Variants in CDH4 observed in about 807,000 individuals in gnomAD.
The protein encoded by CDH4 is cadherin 4.
A neutral mutation model predicts 86.0 loss-of-function variants in CDH4; 33 were observed. The observed-to-expected ratio is 0.38, with a 90% CI of 0.29 to 0.51. The LOEUF is 0.51. CDH4 is among the 20% of genes least tolerant of loss of function. CDH4 has a pLI of 0.86. For synonymous variants in CDH4, 555 were observed against 549.4 expected (o/e 1.01, Z -0.14); for missense variants, 1,114 against 1,307.4 (o/e 0.85, Z 2.28).
chr20:61,378,305 G>C (rs2084883033), intron 2 of CDH4, among the ~76,000 whole-genome samples: 1 of 152,184 alleles, frequency 6.6e-6, no homozygotes, highest in Admixed American at 6.5e-5. Flanking sequence ...TTAAAACTTT[G>C]AAATTATAGT....
At chr20:61,602,243 G>T (rs556734549) in intron 2 of CDH4, among the ~76,000 whole-genome samples, 1 of 152,152 alleles carries the variant, frequency 6.6e-6, no homozygotes, top group African/African-American at 2.4e-5. Flanking sequence ...ACATTTTATC[G>T]CAAGGTTCTT....
intron 4 of CDH4, among the ~76,000 whole-genome samples, chr20:61,837,953 C>G (rs1457789618): frequency 6.6e-6 from 1 of 152,086 alleles, no homozygotes; most frequent in African/African-American, 2.4e-5. Flanking sequence ...TATTTTCCCT[C>G]GTGCAGAGGC....
At chr20:61,276,713 G>A (rs1431061940) in intron 2 of CDH4, among the ~76,000 whole-genome samples, 1 of 152,176 alleles carries the variant, frequency 6.6e-6, no homozygotes, top group Non-Finnish European at 1.5e-5. Context: ...CCTGGGCAGT[G>A]GAGATTCCAT....
At chr20:61,552,794 G>A (rs569582988) in intron 2 of CDH4, among the ~76,000 whole-genome samples, 10 of 152,232 alleles carry the variant, frequency 6.6e-5, no homozygotes, top group East Asian at 1.9e-4. Context: ...ACAAGTGTTG[G>A]CAAGGATGTG....
intron 2 of CDH4, among the ~76,000 whole-genome samples, chr20:61,397,325 G>A: frequency 6.6e-6 from 1 of 152,010 alleles, no homozygotes; most frequent in East Asian, 1.9e-4. Context: ...GCTGCAGGAG[G>A]GGGTCCTGGT....
intron 11 of CDH4, among the ~76,000 whole-genome samples, chr20:61,927,033 C>T (rs1345745806): frequency 2.0e-5 from 3 of 152,224 alleles, no homozygotes; most frequent in Non-Finnish European, 4.4e-5. Context: ...GATCACGTGC[C>T]GTGCCATCAG....
Position 61,862,967 on chromosome 20 carries a change from C to T in CDH4, c.877+10069C>T, listed in dbSNP as rs112864688. On this transcript the variant is annotated intron_variant, in intron 6 of 15. Transcript: ENST00000614565. ...TTATTTATTTATTTTCTTTCTTTGC[C>T]GGCAGAAGTCCCCCTGAGGTTAATG... Among the ~76,000 whole-genome samples the T allele has an allele frequency of 1.3e-3, 203 of 152,050 alleles. 1 individual carries two copies. Among genetic ancestry groups the T allele is most frequent in the African/African-American group, 4.4e-3 (182 of 41,444 alleles).
rs2084495673 is a variant in CDH4 at position 61,319,381 on chromosome 20, C to T, written c.169+64444C>T. 6.6e-5 allele frequency among the ~76,000 whole-genome samples: 10 copies of T among 152,264 alleles called. No individual in the cohort carries two copies. In the South Asian group the frequency reaches 2.1e-3, roughly 32 times the overall value. ...TGTTATGCTCCACCGGGAAGCAGGGCTAGATCGCACTGTTAAGAGTGCATC... is the reference window on the plus strand; with the variant it reads ...TGTTATGCTCCACCGGGAAGCAGGGTTAGATCGCACTGTTAAGAGTGCATC... On this transcript the variant is annotated intron_variant, in intron 2 of 15. Coordinates refer to ENST00000614565, the MANE Select transcript of CDH4 (RefSeq NM_001794.5).
At chr20:61,382,423 A>G (rs2084908109) in intron 2 of CDH4, among the ~76,000 whole-genome samples, 1 of 152,214 alleles carries the variant, frequency 6.6e-6, no homozygotes, top group African/African-American at 2.4e-5. Context: ...AGACCCTGGC[A>G]TGGGGGACCC....
chr20:61,814,816 C>T (rs555470142), intron 4 of CDH4, among the ~76,000 whole-genome samples: 90 of 152,142 alleles, frequency 5.9e-4, no homozygotes, highest in Admixed American at 9.8e-4. Flanking sequence ...ATGTTGATGC[C>T]GACCTTTCCT....
chr20:61,509,317 G>A (rs982390182), intron 2 of CDH4, among the ~76,000 whole-genome samples: 3 of 151,806 alleles, frequency 2.0e-5, no homozygotes, highest in African/African-American at 7.3e-5. Flanking sequence ...CCCACGGAGG[G>A]ACTCATCCTG....
At chr20:61,720,789 G>A (rs2145912350) in intron 2 of CDH4, among the ~76,000 whole-genome samples, 1 of 152,218 alleles carries the variant, frequency 6.6e-6, no homozygotes, top group South Asian at 2.1e-4. Flanking sequence ...GGTCGGGGAG[G>A]CGTGTTCTCT....
rs1212549000 is a variant in CDH4 at position 61,275,345 on chromosome 20, A to G, written c.169+20408A>G. ...CGCAGTTTGGGAGAGTACCGTGCGC[A>G]GTTTGGGGGGAGTACCGTGAAGCAG... On this transcript the variant is annotated intron_variant, in intron 2 of 15. Transcript: ENST00000614565. Among the ~76,000 whole-genome samples the G allele has an allele frequency of 3.7e-4, 30 of 80,388 alleles. 1 individual carries two copies. The highest frequency in any genetic ancestry group is 1.6e-4 in the Non-Finnish European group (7 of 44,636). The allele number at this position is 80,388 out of a possible 152,430, so 52.7% of individuals were successfully genotyped here. A position where few individuals can be genotyped will look rare whatever the true frequency, so the allele number is the denominator to read the frequency against.
chr20:61,741,063 G>C (rs899648409), intron 2 of CDH4, among the ~76,000 whole-genome samples: 1 of 152,184 alleles, frequency 6.6e-6, no homozygotes, highest in African/African-American at 2.4e-5. Flanking sequence ...ACAAGACTCA[G>C]CTGGGCATGG....
chr20:61,716,339 T>C (rs2087953359), intron 2 of CDH4, among the ~76,000 whole-genome samples: 1 of 151,666 alleles, frequency 6.6e-6, no homozygotes, highest in African/African-American at 2.4e-5. Flanking sequence ...TGGCTGGACC[T>C]GTAAAGGGGT....
intron 4 of CDH4, among the ~76,000 whole-genome samples, chr20:61,809,363 T>C (rs1308017994): frequency 1.3e-4 from 20 of 152,218 alleles, no homozygotes; most frequent in Admixed American, 1.3e-4. Flanking sequence ...ATCTTAAATG[T>C]CGTGGCAAAT....
chr20:61,389,035 G>T (rs1209439385), intron 2 of CDH4, among the ~76,000 whole-genome samples: 1 of 152,236 alleles, frequency 6.6e-6, no homozygotes, highest in Non-Finnish European at 1.5e-5. Flanking sequence ...TATTTTAAAA[G>T]CTTCCTTTTA....
intron 4 of CDH4, among the ~76,000 whole-genome samples, chr20:61,814,295 C>T (rs1980601497): frequency 6.6e-6 from 1 of 152,172 alleles, no homozygotes; most frequent in Non-Finnish European, 1.5e-5. Context: ...GCAATTTGCC[C>T]CAGGTCACAC....
intron 2 of CDH4, among the ~76,000 whole-genome samples, chr20:61,440,086 A>T (rs2085306379): frequency 6.6e-6 from 1 of 152,248 alleles, no homozygotes; most frequent in Non-Finnish European, 1.5e-5. Context: ...AAGTGCAAGA[A>T]ATGCAAACAT....
Sources: gnomAD v4.1 joint callset for allele counts (sites outside exome capture counted in the v4.1 genomes callset) on GRCh38, gnomAD v4.1.1 for gene constraint, MANE v1.5 for transcripts, NCBI Gene and HGNC (gene_info 2026-07-23, HGNC 2026-07-21) for gene names.